Variants in STX8 observed in about 807,000 individuals in gnomAD.
The protein encoded by STX8 is syntaxin 8.
STX8 carries 23 observed loss-of-function variants against 37.5 expected under a neutral mutation model. The observed-to-expected ratio is 0.61, with a 90% CI of 0.44 to 0.87. STX8 has a LOEUF of 0.87. Among genes scored for constraint, STX8 ranks in the 40% least tolerant of loss-of-function variants. The pLI, the probability that STX8 is intolerant of heterozygous loss-of-function variation, is 0.00. For missense variants in STX8, 313 were observed against 284.7 expected (o/e 1.10, Z -0.71); for synonymous variants, 115 against 99.1 (o/e 1.16, Z -0.95).
chr17:9,397,202 C>T (rs1046655789), intron 6 of STX8, among the ~76,000 whole-genome samples: 12 of 152,186 alleles, frequency 7.9e-5, no homozygotes, highest in African/African-American at 2.7e-4. Context: ...TCGAGACCAG[C>T]CTGGCCAACA....
intron 3 of STX8, chr17:9,554,925 A>AG (rs1406942190): frequency 1.3e-5 from 2 of 151,890 alleles, no homozygotes; most frequent in African/African-American, 2.4e-5. Flanking sequence ...AAAAAAAAAA[A>AG]GTTGGCCTCC....
intron 6 of STX8, among the ~76,000 whole-genome samples, chr17:9,401,956 A>G (rs984460211): frequency 3.9e-5 from 6 of 152,060 alleles, no homozygotes; most frequent in African/African-American, 1.4e-4. Flanking sequence ...TCACCCTTCT[A>G]AAGGGGGGAT....
At chr17:9,287,917 ATTTGGTATT>A (rs1908137390) in intron 7 of STX8, among the ~76,000 whole-genome samples, 1 of 151,744 alleles carries the variant, frequency 6.6e-6, no homozygotes. Context: ...CGCCCAGCTA[ATTTGGTATT>A]TTTGGTAGAG....
rs1007521373 is a variant in STX8, at chr17:9,517,974, A to AT, written c.324-12813dup. ...GATGTAAGAGTGGAGAGTGGGCAAA[A>AT]TTTGGGGGGGCTAGATTTAGAATTA... On this transcript the variant is annotated intron_variant, in intron 4 of 7. Transcript: ENST00000306357. Among the ~76,000 whole-genome samples, 37 of 152,132 alleles carry AT rather than the reference A, an allele frequency of 2.4e-4. 1 individual carries two copies. Among genetic ancestry groups the AT allele is most frequent in the Middle Eastern group, 3.4e-3 (1 of 294 alleles).
intron 7 of STX8, among the ~76,000 whole-genome samples, chr17:9,277,839 C>A (rs1907728915): frequency 6.6e-6 from 1 of 152,094 alleles, no homozygotes; most frequent in South Asian, 2.1e-4. Flanking sequence ...GTGGTTAGAA[C>A]TGGCCAGTGA....
At chr17:9,384,446 G>A (rs899554641) in intron 6 of STX8, among the ~76,000 whole-genome samples, 1 of 152,128 alleles carries the variant, frequency 6.6e-6, no homozygotes. Flanking sequence ...AGACCATCCT[G>A]GCTAACATGG....
intron 6 of STX8, among the ~76,000 whole-genome samples, chr17:9,483,061 G>T (rs1906415205): frequency 6.6e-6 from 1 of 151,992 alleles, no homozygotes; most frequent in African/African-American, 2.4e-5. Context: ...ACTTCTATTA[G>T]ATTCCTGTTG....
At chr17:9,263,707 C>T (rs1031580717) in intron 7 of STX8, among the ~76,000 whole-genome samples, 2 of 152,180 alleles carry the variant, frequency 1.3e-5, no homozygotes, top group East Asian at 3.8e-4. Context: ...CCTTTGTGCA[C>T]GTGTACACGA....
rs1477079569 is a variant in STX8, at chr17:9,290,477, CACAA to C, written c.644-39836_644-39833del. ...CAGCAAGCACGTGTGCGCGTATACG[CACAA>C]ACACACACACAGGTATATACAATTT... is the stretch of plus-strand genomic sequence containing the variant. On this transcript the variant is annotated intron_variant, in intron 7 of 7. Transcript: ENST00000306357. 2.6e-5 allele frequency among the ~76,000 whole-genome samples: 4 copies of C among 152,270 alleles called. No individual in the cohort carries two copies. The East Asian group carries it at 5.8e-4, about 22-fold the overall frequency.
At chr17:9,320,790 A>C (rs1157716779) in intron 7 of STX8, among the ~76,000 whole-genome samples, 1 of 151,876 alleles carries the variant, frequency 6.6e-6, no homozygotes, top group East Asian at 1.9e-4. Context: ...AGTCCCAGCT[A>C]GTCAAGAGGC....
At chr17:9,383,294 T>C (rs1438365882) in intron 6 of STX8, among the ~76,000 whole-genome samples, 4 of 152,212 alleles carry the variant, frequency 2.6e-5, no homozygotes, top group African/African-American at 4.8e-5. Flanking sequence ...GCACGACTTA[T>C]GGAAGTTTAG....
intron 4 of STX8, among the ~76,000 whole-genome samples, chr17:9,534,090 A>C (rs1905928957): frequency 6.6e-6 from 1 of 152,230 alleles, no homozygotes; most frequent in Non-Finnish European, 1.5e-5. Flanking sequence ...AAAAATACAA[A>C]AAAAGCCAAG....
intron 6 of STX8, among the ~76,000 whole-genome samples, chr17:9,428,557 C>T (rs1006310880): frequency 6.6e-6 from 1 of 152,146 alleles, no homozygotes; most frequent in Admixed American, 6.5e-5. Context: ...GATTCTTAAT[C>T]TCTCTTGAGG....
intron 7 of STX8, chr17:9,378,298 A>G: frequency 2.5e-6 from 1 of 400,598 alleles, no homozygotes; most frequent in South Asian, 2.4e-5. Context: ...TAATCTCTGT[A>G]AACACACAGA....
chr17:9,357,650 C>G (rs895486221), intron 7 of STX8, among the ~76,000 whole-genome samples: 1 of 151,956 alleles, frequency 6.6e-6, no homozygotes, highest in African/African-American at 2.4e-5. Context: ...GAGCTGTGAT[C>G]ATGTCATTTC....
intron 7 of STX8, among the ~76,000 whole-genome samples, chr17:9,315,399 G>C (rs1437053315): frequency 6.6e-6 from 1 of 152,168 alleles, no homozygotes; most frequent in South Asian, 2.1e-4. Context: ...GACAGGTTCT[G>C]GCCAGTTTAC....
chr17:9,386,991 T>C (rs1323787288), intron 6 of STX8, among the ~76,000 whole-genome samples: 2 of 151,956 alleles, frequency 1.3e-5, no homozygotes, highest in African/African-American at 4.8e-5. Flanking sequence ...TGCCTCAGCC[T>C]CCCAAGTAGC....
chr17:9,290,036 C>T (rs1356480025), intron 7 of STX8, among the ~76,000 whole-genome samples: 1 of 152,076 alleles, frequency 6.6e-6, no homozygotes, highest in Non-Finnish European at 1.5e-5. Flanking sequence ...TCATTTCCCA[C>T]AGGAGGAAGT....
At chr17:9,549,982 G>A (rs2142579468) in intron 3 of STX8, among the ~76,000 whole-genome samples, 1 of 152,274 alleles carries the variant, frequency 6.6e-6, no homozygotes, top group Admixed American at 6.5e-5. Context: ...CCAGCACTTT[G>A]GAAGGCTGAG....
Sources: gnomAD v4.1 joint callset for allele counts (sites outside exome capture counted in the v4.1 genomes callset) on GRCh38, gnomAD v4.1.1 for gene constraint, MANE v1.5 for transcripts, NCBI Gene and HGNC (gene_info 2026-07-23, HGNC 2026-07-21) for gene names.